NCAM1: variants seen among roughly 807,000 people sequenced by gnomAD.
NCAM1 encodes neural cell adhesion molecule 1.
NCAM1 carries 14 observed loss-of-function variants against 109.8 expected under a neutral mutation model. That is an observed-to-expected ratio of 0.13 (90% CI 0.08 to 0.20). NCAM1 has a LOEUF of 0.20. NCAM1 is among the 10% of genes least tolerant of loss of function. NCAM1 has a pLI of 1.00. For synonymous variants in NCAM1, 418 were observed against 442.9 expected, an observed-to-expected ratio of 0.94 and a Z score of 0.70; for missense variants, 774 against 1,109.9, an observed-to-expected ratio of 0.70 and a Z score of 4.30.
chr11:113,206,070 A>C lies in NCAM1; in HGVS notation c.518A>C (p.Tyr173Ser). The C allele has an allele frequency of 1.2e-6, 2 of 1,613,918 alleles. No homozygotes were observed. Among genetic ancestry groups the C allele is most frequent in the Non-Finnish European group, 1.7e-6 (2 of 1,179,850 alleles). The change falls in exon 5 of 20, where the codon TAC (tyrosine) becomes TCC (serine). Residue 173 changes from tyrosine (Y) to serine (S), a missense_variant. Tyr to Ser is a moderately radical substitution (Grantham distance 144, BLOSUM62 -2). Transcript: ENST00000316851. The part of the protein sequence containing the change: ...DVRFIVLSNN[Y>S]LQIRGIKKTD... ...CGATTCATAGTCCTGTCCAACAACT[A>C]CCTGCAGATCCGGGGCATCAAGAAA...
At chr11:113,226,707 G>A (rs1396931581) in intron 9 of NCAM1, among the ~76,000 whole-genome samples, 1 of 152,144 alleles carries the variant, frequency 6.6e-6, no homozygotes, top group Non-Finnish European at 1.5e-5. Flanking sequence ...AAATGTAAAA[G>A]AACAGAAATG....
intron 1 of NCAM1, among the ~76,000 whole-genome samples, chr11:113,020,217 C>T (rs868922828): frequency 2.6e-5 from 4 of 152,144 alleles, no homozygotes; most frequent in African/African-American, 9.7e-5. Flanking sequence ...AATCTTATAT[C>T]TTTGTAAGAT....
At chr11:113,116,036 A>G (rs906279899) in intron 1 of NCAM1, among the ~76,000 whole-genome samples, 18 of 152,220 alleles carry the variant, frequency 1.2e-4, no homozygotes, top group African/African-American at 4.3e-4. Flanking sequence ...GGTTTACGGC[A>G]AATACAAAAA....
chr11:113,129,678 C>T (rs1033674373), intron 1 of NCAM1, among the ~76,000 whole-genome samples: 8 of 152,102 alleles, frequency 5.3e-5, no homozygotes, highest in Non-Finnish European at 1.2e-4. Context: ...CCAAAAATGT[C>T]AAATGAATAC....
At chr11:113,249,380 AG>A (rs1465575780) in intron 15 of NCAM1, among the ~76,000 whole-genome samples, 3 of 152,192 alleles carry the variant, frequency 2.0e-5, no homozygotes, top group Non-Finnish European at 2.9e-5. Context: ...GTCAGTGGGA[AG>A]GGGCTGAAGA....
intron 14 of NCAM1, among the ~76,000 whole-genome samples, chr11:113,242,006 T>C (rs71475101): frequency 0.021 from 3,144 of 152,286 alleles, 59 homozygotes; most frequent in Non-Finnish European, 0.027. Context: ...GTTCAGGCTT[T>C]GGAAGTAGAC....
intron 1 of NCAM1, among the ~76,000 whole-genome samples, chr11:113,059,720 C>G (rs1953851469): frequency 6.6e-6 from 1 of 152,190 alleles, no homozygotes; most frequent in Non-Finnish European, 1.5e-5. Flanking sequence ...AGTCACAGGG[C>G]CCGCCTCTTG....
intron 17 of NCAM1, chr11:113,264,743 GTCATCTCAACAC>G: frequency 1.0e-6 from 1 of 985,446 alleles, no homozygotes; most frequent in African/African-American, 1.7e-5. Context: ...ACGTGGCCCT[GTCATCTCAACAC>G]ATCCCAGGGT....
At chr11:113,089,874 A>G (rs1939262312) in intron 1 of NCAM1, among the ~76,000 whole-genome samples, 1 of 152,200 alleles carries the variant, frequency 6.6e-6, no homozygotes, top group African/African-American at 2.4e-5. Flanking sequence ...AGTACAACCA[A>G]GGATTCAGAT....
chr11:113,026,808 G>A (rs1425222452), intron 1 of NCAM1, among the ~76,000 whole-genome samples: 1 of 152,190 alleles, frequency 6.6e-6, no homozygotes, highest in African/African-American at 2.4e-5. Flanking sequence ...TAGCCATGCT[G>A]AGCTGGACGT....
chr11:113,130,583 A>G (rs1941348582), intron 1 of NCAM1: 1 of 152,172 alleles, frequency 6.6e-6, no homozygotes. Context: ...CTGCCCAATG[A>G]CTGGGCTGTA....
In NCAM1 at chr11:112,972,340, G is replaced by A. The variant is rs116680538; in HGVS notation, c.52+10676G>A. Reference sequence around the variant, plus strand: ...CATGAGTTATGGTCAGTACTTTGCGGGGTTTTTATCACGCCCACAAGTATT... The same window carrying A: ...CATGAGTTATGGTCAGTACTTTGCGAGGTTTTTATCACGCCCACAAGTATT... On this transcript the variant is annotated intron_variant, in intron 1 of 19. Transcript: ENST00000316851. Among the ~76,000 whole-genome samples the A allele has an allele frequency of 5.9e-3, 903 of 152,202 alleles. 15 individuals carry two copies. Among genetic ancestry groups the A allele is most frequent in the African/African-American group, 0.021 (860 of 41,534 alleles).
At chr11:113,263,668 C>T in intron 17 of NCAM1, 3 of 985,568 alleles carry the variant, frequency 3.0e-6, no homozygotes, top group South Asian at 9.4e-5. Flanking sequence ...GTTTGTCTCC[C>T]AATCGGGGTG....
chr11:113,062,400 G>A (rs1197353428), intron 1 of NCAM1, among the ~76,000 whole-genome samples: 1 of 152,086 alleles, frequency 6.6e-6, no homozygotes, highest in Non-Finnish European at 1.5e-5. Flanking sequence ...TTTTCAGCAC[G>A]ACTAATTTTT....
At chr11:113,052,453 C>G (rs1021146540) in intron 1 of NCAM1, among the ~76,000 whole-genome samples, 2 of 152,090 alleles carry the variant, frequency 1.3e-5, no homozygotes, top group Non-Finnish European at 2.9e-5. Context: ...TCCCCACCCC[C>G]GCACCTCCAC....
At chr11:113,219,928 C>G (rs1389285539) in intron 8 of NCAM1, among the ~76,000 whole-genome samples, 2 of 152,322 alleles carry the variant, frequency 1.3e-5, no homozygotes, top group East Asian at 3.9e-4. Flanking sequence ...CATCATGTGA[C>G]ATAACTCGAT....
chr11:113,139,486 G>A (rs573869173), intron 1 of NCAM1, among the ~76,000 whole-genome samples: 33 of 151,152 alleles, frequency 2.2e-4, no homozygotes, highest in Non-Finnish European at 3.5e-4. Flanking sequence ...ATTCTTTTTC[G>A]TCCTGTCAAG....
chr11:113,089,317 A>G (rs1484100954), intron 1 of NCAM1, among the ~76,000 whole-genome samples: 2 of 152,094 alleles, frequency 1.3e-5, no homozygotes, highest in Admixed American at 6.5e-5. Context: ...AATAATAATA[A>G]TAACAATAAT....
chr11:113,210,293 C>T (rs932079943), intron 7 of NCAM1, among the ~76,000 whole-genome samples: 11 of 152,150 alleles, frequency 7.2e-5, no homozygotes, highest in South Asian at 4.1e-4. Flanking sequence ...ATCCTCATCA[C>T]GCCCCTATGA....
Sources: gnomAD v4.1 joint callset for allele counts (sites outside exome capture counted in the v4.1 genomes callset) on GRCh38, gnomAD v4.1.1 for gene constraint, MANE v1.5 for transcripts, NCBI Gene and HGNC (gene_info 2026-07-23, HGNC 2026-07-21) for gene names.